The following BMP8B variants were observed in gnomAD, a reference collection of about 807,000 sequenced individuals.
BMP8B encodes the protein bone morphogenetic protein 8b.
In BMP8B, 17 loss-of-function variants were observed where a neutral mutation model predicts 30.3. The observed-to-expected ratio is 0.56, with a 90% CI of 0.38 to 0.84. BMP8B has a LOEUF of 0.84. Ranked by LOEUF, BMP8B falls within the 40% of genes least tolerant of loss-of-function variation. The probability of loss-of-function intolerance (pLI) is 0.00; values close to 1 mark genes in which losing one functional copy is unlikely to be tolerated. For missense variants in BMP8B, 253 were observed against 494.6 expected (o/e 0.51, Z 4.63); for synonymous variants, 131 against 214.7 (o/e 0.61, Z 3.41).
chr1:39,779,367 A>C (rs1429828084), intron 1 of BMP8B, among the ~76,000 whole-genome samples: 1 of 151,910 alleles, frequency 6.6e-6, no homozygotes, highest in Non-Finnish European at 1.5e-5. Flanking sequence ...TCTTTCCCTC[A>C]ATTTCCTGCC....
chr1:39,764,312 C>T (rs1185897367), intron 4 of BMP8B, among the ~76,000 whole-genome samples: 3 of 151,258 alleles, frequency 2.0e-5, no homozygotes, highest in Non-Finnish European at 4.4e-5. Flanking sequence ...CAGGCACAAC[C>T]GCAGGTCATG....
chr1:39,785,643 G>A (rs1192721456), intron 1 of BMP8B, among the ~76,000 whole-genome samples: 1 of 152,204 alleles, frequency 6.6e-6, no homozygotes, highest in African/African-American at 2.4e-5. Flanking sequence ...GTGGGAGCCT[G>A]CGTGTGGGCG....
At chr1:39,787,671 G>T (rs1299239730) in intron 1 of BMP8B, among the ~76,000 whole-genome samples, 1 of 152,092 alleles carries the variant, frequency 6.6e-6, no homozygotes, top group Non-Finnish European at 1.5e-5. Flanking sequence ...CCCCACCCAG[G>T]CTCCGCACAG....
rs1557467319 is a variant in BMP8B, at chr1:39,760,572, G to A, written c.1060-4C>T. ...CGTCTGGCATCATCAGGTGCACCTG[G>A]CCAGGAAGAGGGCACAGGCAGGGGC... On this transcript the variant is annotated splice_polypyrimidine_tract_variant and splice_region_variant and intron_variant, in intron 6 of 6. Coordinates refer to ENST00000372827, the MANE Select transcript of BMP8B (RefSeq NM_001720.5). 1.2e-6 allele frequency: 2 copies of A among 1,613,134 alleles called. No homozygotes were observed. Among genetic ancestry groups the A allele is most frequent in the South Asian group, 1.1e-5 (1 of 91,048 alleles).
At position 39,763,703 on chromosome 1, in the gene BMP8B, A is replaced by G. The variant is rs1215294887; in HGVS notation, c.948+9T>C. The G allele has an allele frequency of 1.1e-5, 17 of 1,596,160 alleles. 2 individuals carry two copies. The highest frequency in any genetic ancestry group is 1.7e-5 in the Admixed American group (1 of 59,498). ...TGTCATTTCAGAAACAAGAAGAGTC[A>G]GCAATTACCAGCCAGCCGAGGTCCT... On this transcript the variant is annotated intron_variant, in intron 5 of 6. Transcript: ENST00000372827.
At chr1:39,782,151 C>CAA (rs58953661) in intron 1 of BMP8B, among the ~76,000 whole-genome samples, 2,081 of 126,338 alleles carry the variant, frequency 0.016, 61 homozygotes, top group African/African-American at 0.053. Context: ...AACTCCATCT[C>CAA]AAAAAAAAAA....
intron 1 of BMP8B, among the ~76,000 whole-genome samples, chr1:39,782,984 A>G (rs935892374): frequency 4.6e-5 from 7 of 151,966 alleles, no homozygotes; most frequent in African/African-American, 1.7e-4. Flanking sequence ...TTTAGTAGAG[A>G]CAAGGTTTCA....
chr1:39,782,453 C>T (rs1214530223), intron 1 of BMP8B, among the ~76,000 whole-genome samples: 1 of 83,690 alleles, frequency 1.2e-5, no homozygotes, highest in Non-Finnish European at 2.6e-5. Context: ...CAGTGCCAGA[C>T]ACTTGCTTTG....
chr1:39,785,620 G>A (rs185073103), intron 1 of BMP8B, among the ~76,000 whole-genome samples: 10 of 152,326 alleles, frequency 6.6e-5, no homozygotes, highest in East Asian at 3.9e-4. Context: ...AGGTGGAGCC[G>A]GCAGGAGCAG....
At chr1:39,784,880 C>G (rs11485586) in intron 1 of BMP8B, among the ~76,000 whole-genome samples, 1 of 101,102 alleles carries the variant, frequency 9.9e-6, no homozygotes, top group Admixed American at 9.8e-5. Context: ...AAAAATGAAG[C>G]TGCCTGCATT....
chr1:39,764,836 A>G lies in BMP8B; in HGVS notation c.674-19T>C. On this transcript the variant is annotated intron_variant, in intron 3 of 6. Coordinates refer to ENST00000372827, the MANE Select transcript of BMP8B (RefSeq NM_001720.5). ...CTGTGCCCTGAGACAGAAAGGAGAG[A>G]GGGGTCACTCACGGGCAGTGGCCCT... 1 of 1,606,050 alleles carries G rather than the reference A, an allele frequency of 6.2e-7. No individual in the cohort carries two copies. The highest frequency in any genetic ancestry group is 8.5e-7 in the Non-Finnish European group (1 of 1,174,804).
intron 3 of BMP8B, among the ~76,000 whole-genome samples, chr1:39,766,796 A>T (rs1210395574): frequency 2.0e-5 from 3 of 149,038 alleles, no homozygotes; most frequent in Non-Finnish European, 1.5e-5. Flanking sequence ...CAGCAGAAAT[A>T]CAAGGAACAG....
At chr1:39,779,087 G>C (rs982453801) in intron 1 of BMP8B, among the ~76,000 whole-genome samples, 3 of 152,210 alleles carry the variant, frequency 2.0e-5, no homozygotes, top group African/African-American at 7.2e-5. Context: ...AGTGTGAAAT[G>C]AGTGGCCCTG....
At chr1:39,786,824 C>T (rs1167059550) in intron 1 of BMP8B, among the ~76,000 whole-genome samples, 1 of 152,254 alleles carries the variant, frequency 6.6e-6, no homozygotes, top group Admixed American at 6.5e-5. Flanking sequence ...TGGTGAATGG[C>T]TGCCTCCTGC....
chr1:39,775,828 G>A (rs1305944656), intron 1 of BMP8B, among the ~76,000 whole-genome samples: 1 of 152,108 alleles, frequency 6.6e-6, no homozygotes, highest in African/African-American at 2.4e-5. Context: ...CCAGTCAGGT[G>A]CTGGGGAAGT....
In BMP8B at chr1:39,788,219, G is replaced by C. The variant is rs1409553795; in HGVS notation, c.267C>G (p.Asp89Glu). 2 of 1,571,432 alleles carry C rather than the reference G, an allele frequency of 1.3e-6. No individual in the cohort carries two copies. The highest frequency in any genetic ancestry group is 1.7e-6 in the Non-Finnish European group (2 of 1,168,476). Reference sequence around the variant, plus strand: ...GCCGCTCCGCGGGCGCGCCGTCCTCGTCGTCGTCGCCGGCCATGGCGTGGT... The same window carrying C: ...GCCGCTCCGCGGGCGCGCCGTCCTCCTCGTCGTCGCCGGCCATGGCGTGGT... ...DLYHAMAGDD[D>E]EDGAPAERRL... Residue 89 changes from aspartate to glutamate, a missense_variant, in exon 1 of 7, where the codon GAC (aspartate) becomes GAG (glutamate). Transcript: ENST00000372827. The surrounding 1 kb of genome is among the most constrained non-coding windows in gnomAD (Gnocchi z 5.8).
rs150126878 is a variant in BMP8B, at chr1:39,769,737, G to A, written c.673+4571C>T. ...ACCTGCTGCATGGGCCTGAGGTTCGGGGACACAGCAAAGGCACACCCCGTG... is the reference window on the plus strand; with the variant it reads ...ACCTGCTGCATGGGCCTGAGGTTCGAGGACACAGCAAAGGCACACCCCGTG... On this transcript the variant is annotated intron_variant, in intron 3 of 6. Coordinates refer to ENST00000372827, the MANE Select transcript of BMP8B (RefSeq NM_001720.5). The A allele has an allele frequency of 7.4e-4, 1,200 of 1,610,956 alleles. No homozygotes were observed. The highest frequency in any genetic ancestry group is 9.2e-4 in the Non-Finnish European group (1,082 of 1,178,220).
intron 6 of BMP8B, 39 bp from the exon 7 acceptor site, chr1:39,760,607 G>A (rs763909153): frequency 1.2e-6 from 2 of 1,601,686 alleles, no homozygotes; most frequent in South Asian, 2.2e-5. Context: ...CATGAGCCCA[G>A]TGGCCTCCTC....
chr1:39,770,345 C>G (rs1649869390), intron 3 of BMP8B: 1 of 1,592,494 alleles, frequency 6.3e-7, no homozygotes, highest in Non-Finnish European at 8.5e-7. Flanking sequence ...AGCTGCGCGT[C>G]TGATGATGCG....
Sources: allele counts gnomAD v4.1 joint callset (sites outside exome capture counted in the v4.1 genomes callset), GRCh38; gene constraint gnomAD v4.1.1; non-coding constraint Gnocchi (gnomAD v3.1); transcripts MANE v1.5; gene names NCBI Gene and HGNC (gene_info 2026-07-23, HGNC 2026-07-21).